Variants in CNTNAP3B observed in about 807,000 individuals in gnomAD.
The protein encoded by CNTNAP3B is contactin associated protein family member 3B.
CNTNAP3B carries 25 observed loss-of-function variants against 108.9 expected under a neutral mutation model. The ratio of observed to expected loss-of-function variants is 0.23; its 90% CI spans 0.17 to 0.32. The LOEUF is 0.32. CNTNAP3B is among the 10% of genes least tolerant of loss of function. CNTNAP3B has a pLI of 1.00. For synonymous variants in CNTNAP3B, 103 were observed against 473.4 expected (o/e 0.22, Z 10.16); for missense variants, 252 against 1,210.4 (o/e 0.21, Z 11.75).
intron 13 of CNTNAP3B, among the ~76,000 whole-genome samples, chr9:41,950,051 T>C (rs1233017221): frequency 8.5e-6 from 1 of 117,534 alleles, no homozygotes; most frequent in Non-Finnish European, 1.8e-5. Flanking sequence ...ATCCAAACAA[T>C]CCAATTAGAA....
At chr9:41,996,979 T>TTTC (rs1381485467) in intron 6 of CNTNAP3B, among the ~76,000 whole-genome samples, 1 of 53,302 alleles carries the variant, frequency 1.9e-5, no homozygotes, top group Non-Finnish European at 3.6e-5. Context: ...TCATACACTT[T>TTTC]AAGGTGTCCT....
intron 2 of CNTNAP3B, among the ~76,000 whole-genome samples, chr9:42,094,379 G>T (rs2118675444): frequency 7.6e-6 from 1 of 132,120 alleles, no homozygotes; most frequent in South Asian, 2.5e-4. Flanking sequence ...CGGGGGCTGG[G>T]TATGGTGGCT....
At position 42,033,074 on chromosome 9, in the gene CNTNAP3B, T is replaced by C. The variant is rs62554965; in HGVS notation, c.391-19549A>G. Among the ~76,000 whole-genome samples the C allele has an allele frequency of 9.6e-3, 1,336 of 138,984 alleles. 5 individuals are homozygous for C. The highest frequency in any genetic ancestry group is 0.038 in the South Asian group (161 of 4,258). The allele number at this position is 138,984 out of a possible 152,430, so 91.2% of individuals were successfully genotyped here. A position where few individuals can be genotyped will look rare whatever the true frequency, so the allele number is the denominator to read the frequency against. On this transcript the variant is annotated intron_variant, in intron 3 of 23. Transcript: ENST00000377561. ...TACAGCACTCCATGTGAATGGCTTTTCTGAGAAAAATATCAAAAAAGACAA... is the reference window on the plus strand; with the variant it reads ...TACAGCACTCCATGTGAATGGCTTTCCTGAGAAAAATATCAAAAAAGACAA...
intron 1 of CNTNAP3B, among the ~76,000 whole-genome samples, chr9:42,125,433 C>A (rs1470063017): frequency 7.1e-6 from 1 of 141,808 alleles, no homozygotes; most frequent in Non-Finnish European, 1.5e-5. Flanking sequence ...TCCTGGGCCT[C>A]CCCACTACCC....
intron 3 of CNTNAP3B, among the ~76,000 whole-genome samples, chr9:42,058,254 G>C (rs2118561737): frequency 6.6e-6 from 1 of 152,252 alleles, no homozygotes; most frequent in South Asian, 2.1e-4. Context: ...TGAATCATTT[G>C]GTAATTCTAT....
At position 42,107,651 on chromosome 9, in the gene CNTNAP3B, T is replaced by C. The variant is rs1477652048; in HGVS notation, c.86-2912A>G. 3.0e-5 allele frequency among the ~76,000 whole-genome samples: 4 copies of C among 133,438 alleles called. 2 individuals carry two copies. Among genetic ancestry groups the C allele is most frequent in the African/African-American group, 1.2e-4 (4 of 32,888 alleles). The allele number at this position is 133,438 out of a possible 152,430, so 87.5% of individuals were successfully genotyped here. A position where few individuals can be genotyped will look rare whatever the true frequency, so the allele number is the denominator to read the frequency against. On this transcript the variant is annotated intron_variant, in intron 1 of 23. Coordinates refer to ENST00000377561, the MANE Select transcript of CNTNAP3B (RefSeq NM_001201380.3). ...GTCACCTTGTAATGAAGAAAATTTC[T>C]GGCACAGGCTTGAATAAATCTTGCC...
At chr9:41,966,650 G>C (rs1332460605) in intron 10 of CNTNAP3B, among the ~76,000 whole-genome samples, 2 of 152,294 alleles carry the variant, frequency 1.3e-5, no homozygotes, top group Non-Finnish European at 2.9e-5. Context: ...ATAGGAGTCT[G>C]ATGTAAGAGG....
intron 12 of CNTNAP3B, chr9:41,959,979 G>A (rs1443940671): frequency 6.7e-6 from 1 of 149,616 alleles, no homozygotes; most frequent in Non-Finnish European, 1.5e-5. Context: ...ATCAAGCTGT[G>A]TTCATTTCTT....
chr9:42,056,050 T>A (rs1827060630), intron 3 of CNTNAP3B, among the ~76,000 whole-genome samples: 1 of 113,196 alleles, frequency 8.8e-6, no homozygotes, highest in South Asian at 2.8e-4. Flanking sequence ...ATACATAATG[T>A]CTTCATACTT....
intron 1 of CNTNAP3B, among the ~76,000 whole-genome samples, chr9:42,121,188 A>G (rs1828454726): frequency 7.2e-6 from 1 of 138,052 alleles, no homozygotes; most frequent in Non-Finnish European, 1.5e-5. Context: ...CAGCTGTGAA[A>G]CACATTCTAC....
intron 2 of CNTNAP3B, among the ~76,000 whole-genome samples, chr9:42,089,142 A>AGGGAAAGGGAGAAAGG (rs1827766000): frequency 2.1e-5 from 1 of 46,552 alleles, no homozygotes; most frequent in Non-Finnish European, 4.3e-5. Context: ...GTTCAGGGAA[A>AGGGAAAGGGAGAAAGG]GGGAAAGGGA....
At chr9:42,090,003 G>A (rs542218227) in intron 2 of CNTNAP3B, among the ~76,000 whole-genome samples, 6 of 138,230 alleles carry the variant, frequency 4.3e-5, no homozygotes, top group South Asian at 4.7e-4. Context: ...AGAAAAAGAG[G>A]GCAAAATACA....
intron 9 of CNTNAP3B, chr9:41,979,846 C>T (rs1825591443): frequency 8.0e-6 from 1 of 124,830 alleles, no homozygotes; most frequent in African/African-American, 3.7e-5. Flanking sequence ...GCCTCAGCCT[C>T]CCAGATTGCT....
intron 15 of CNTNAP3B, among the ~76,000 whole-genome samples, chr9:41,925,983 A>C (rs1823808082): frequency 6.6e-6 from 1 of 152,290 alleles, no homozygotes; most frequent in African/African-American, 2.4e-5. Flanking sequence ...TAGCCCTCTC[A>C]GTAGTCAGCT....
chr9:41,939,256 A>G (rs1824257631), intron 13 of CNTNAP3B, among the ~76,000 whole-genome samples: 1 of 152,306 alleles, frequency 6.6e-6, no homozygotes, highest in South Asian at 2.1e-4. Context: ...CACAAGTTGC[A>G]GTCATCACAG....
chr9:42,075,308 A>G (rs1408678507), intron 3 of CNTNAP3B, among the ~76,000 whole-genome samples: 1 of 145,140 alleles, frequency 6.9e-6, no homozygotes, highest in Non-Finnish European at 1.5e-5. Flanking sequence ...GGATTCCAAC[A>G]TATGTCTTTG....
chr9:42,110,836 T>A (rs1215788895), intron 1 of CNTNAP3B, among the ~76,000 whole-genome samples: 1 of 139,764 alleles, frequency 7.2e-6, no homozygotes, highest in African/African-American at 2.8e-5. Context: ...ATTTAGAAGG[T>A]ACCAAAAGTT....
At chr9:42,107,633 T>G in intron 1 of CNTNAP3B, among the ~76,000 whole-genome samples, 1 of 129,656 alleles carries the variant, frequency 7.7e-6, no homozygotes, top group Non-Finnish European at 1.6e-5. Context: ...AGAGTCACCT[T>G]GTAATGAAGA....
chr9:41,947,105 T>C (rs1475864796), intron 13 of CNTNAP3B, among the ~76,000 whole-genome samples: 1 of 145,612 alleles, frequency 6.9e-6, no homozygotes, highest in Non-Finnish European at 1.5e-5. Flanking sequence ...ACAGAACTAC[T>C]GGACAAGAAG....
Sources: gnomAD v4.1 joint callset for allele counts (sites outside exome capture counted in the v4.1 genomes callset) on GRCh38, gnomAD v4.1.1 for gene constraint, MANE v1.5 for transcripts, NCBI Gene and HGNC (gene_info 2026-07-23, HGNC 2026-07-21) for gene names.